Variants in SHPRH observed in about 807,000 individuals in gnomAD.
SHPRH encodes E3 ubiquitin-protein ligase SHPRH.
SHPRH carries 106 observed loss-of-function variants against 202.5 expected under a neutral mutation model. That is an observed-to-expected ratio of 0.52 (90% CI 0.45 to 0.62). SHPRH has a LOEUF of 0.62. Ranked by LOEUF, SHPRH falls within the 20% of genes least tolerant of loss-of-function variation. The pLI is 0.00. For missense variants in SHPRH, 1,710 were observed against 2,020.0 expected (o/e 0.85, Z 2.94); for synonymous variants, 729 against 686.0 (o/e 1.06, Z -0.98).
At chr6:145,908,196 G>T (rs1783151237) in intron 25 of SHPRH, 1 of 152,050 alleles carries the variant, frequency 6.6e-6, no homozygotes, top group African/African-American at 2.4e-5. Flanking sequence ...CCATATATTT[G>T]TTATTGTAAA....
intron 28 of SHPRH, 83 bp from the exon 29 acceptor site, chr6:145,888,183 T>C (rs1781258722): frequency 6.1e-6 from 6 of 990,176 alleles, no homozygotes; most frequent in Non-Finnish European, 9.2e-6. Flanking sequence ...ATATGCTATA[T>C]TCATCAGTCA....
intron 26 of SHPRH, 44 bp from the exon 27 acceptor site, chr6:145,894,280 C>T (rs376640539): frequency 7.1e-7 from 1 of 1,415,934 alleles, no homozygotes; most frequent in East Asian, 2.4e-5. Flanking sequence ...TTACACGTAG[C>T]CTTTATCTAA....
intron 4 of SHPRH, among the ~76,000 whole-genome samples, chr6:145,948,569 GT>G (rs1787642195): frequency 6.6e-6 from 1 of 151,934 alleles, no homozygotes; most frequent in African/African-American, 2.4e-5. Flanking sequence ...AGCTCCCTTT[GT>G]TTTGGGCACA....
In SHPRH at chr6:145,894,977, C is replaced by T; in HGVS notation, c.4516G>A (p.Gly1506Ser). Residue 1506 changes from glycine to serine, a missense_variant and splice_region_variant, in exon 26 of 30, where the codon GGC (glycine) becomes AGC (serine). Transcript: ENST00000275233. Reference sequence around the variant, plus strand: ...GCTTCCACTTTTGTAGAATGGCTGCCCTTTGAACACACACACAAAATACAC... The same window carrying T: ...GCTTCCACTTTTGTAGAATGGCTGCTCTTTGAACACACACACAAAATACAC... ...ANQEEDIPVK[G>S]SHSTKVEAVV... 6.2e-7 allele frequency: 1 copy of T among 1,612,266 alleles called. No individual in the cohort carries two copies. Among genetic ancestry groups the T allele is most frequent in the South Asian group, 1.1e-5 (1 of 90,970 alleles).
chr6:145,906,717 G>GA (rs1320870783), intron 25 of SHPRH: 2 of 152,024 alleles, frequency 1.3e-5, no homozygotes, highest in East Asian at 3.9e-4. Flanking sequence ...TTAAGTTTAT[G>GA]AAACAGTTGG....
chr6:145,911,735 A>G (rs997934807), intron 24 of SHPRH, among the ~76,000 whole-genome samples: 8 of 152,044 alleles, frequency 5.3e-5, no homozygotes, highest in African/African-American at 1.9e-4. Flanking sequence ...CCCACTTGAG[A>G]TTCTTTGCTG....
At position 145,899,061 on chromosome 6, in the gene SHPRH, G is replaced by A. The variant is rs536627730; in HGVS notation, c.4516-4084C>T. On this transcript the variant is annotated intron_variant, in intron 25 of 29. Transcript: ENST00000275233. ...ACTCCTGGCCTCGAGTGATCCTCCT[G>A]CCTTGGCCTCCCAAGGCACTGAGAT... Among the ~76,000 whole-genome samples the A allele has an allele frequency of 1.9e-3, 283 of 152,152 alleles. 1 individual carries two copies. Among genetic ancestry groups the A allele is most frequent in the African/African-American group, 6.5e-3 (268 of 41,488 alleles).
At position 145,886,176 on chromosome 6, in the gene SHPRH, T is replaced by C. The variant is rs140428826; in HGVS notation, c.*515A>G. 40 of 288,670 alleles carry C rather than the reference T, an allele frequency of 1.4e-4. No individual in the cohort carries two copies. The highest frequency in any genetic ancestry group is 7.7e-4 in the African/African-American group (36 of 46,938). 17.9% of individuals were successfully genotyped at this position (288,670 alleles called of 1,614,324 possible). A position where few individuals can be genotyped will look rare whatever the true frequency, so the allele number is the denominator to read the frequency against. ...GTTGTATTACTGCAAAATTACTAGG[T>C]GTAAAGTTATGGTATAAGCCTACTC... On this transcript the variant is annotated 3_prime_UTR_variant, in exon 30 of 30. Coordinates refer to ENST00000275233, the MANE Select transcript of SHPRH (RefSeq NM_001042683.3).
chr6:145,948,694 A>C (rs1484400135), intron 4 of SHPRH, among the ~76,000 whole-genome samples: 1 of 152,128 alleles, frequency 6.6e-6, no homozygotes, highest in Non-Finnish European at 1.5e-5. Flanking sequence ...GTCTATTTTT[A>C]ATAAATCTTG....
At chr6:145,916,952 TG>T (rs2128744653) in intron 23 of SHPRH, among the ~76,000 whole-genome samples, 1 of 152,268 alleles carries the variant, frequency 6.6e-6, no homozygotes, top group South Asian at 2.1e-4. Context: ...GCTAATTTTT[TG>T]TATCTTTAGT....
At chr6:145,872,432 GA>G (rs929398895) in intron 2 of SHPRH, among the ~76,000 whole-genome samples, 11 of 152,132 alleles carry the variant, frequency 7.2e-5, no homozygotes, top group Admixed American at 7.2e-4. Flanking sequence ...TAACAAACAT[GA>G]AAAAAGCCTT....
chr6:145,926,174 T>C, intron 16 of SHPRH, 30 bp downstream of exon 16: 1 of 1,589,914 alleles, frequency 6.3e-7, no homozygotes, highest in Non-Finnish European at 8.6e-7. Context: ...GAAAATATAC[T>C]TTTATAGACA....
downstream of SHPRH, among the ~76,000 whole-genome samples, chr6:145,881,976 G>A (rs973766803): frequency 1.3e-5 from 2 of 151,888 alleles, no homozygotes; most frequent in African/African-American, 2.4e-5. Flanking sequence ...CATGTCTGTA[G>A]TACCAGCTAC....
chr6:145,922,588 C>G, intron 19 of SHPRH, 75 bp downstream of exon 19: 1 of 1,490,832 alleles, frequency 6.7e-7, no homozygotes, highest in Non-Finnish European at 8.9e-7. Context: ...CTATATGAGT[C>G]AATTGTTTCT....
chr6:145,917,852 T>A (rs888083740), intron 23 of SHPRH: 7 of 260,306 alleles, frequency 2.7e-5, no homozygotes, highest in Non-Finnish European at 5.0e-5. Context: ...CCGAGATATG[T>A]TTTAATACTT....
At chr6:145,955,753 T>G (rs146551838) in intron 1 of SHPRH, among the ~76,000 whole-genome samples, 2,452 of 151,826 alleles carry the variant, frequency 0.016, 41 homozygotes, top group Non-Finnish European at 0.026. Context: ...ATGTCTGGCA[T>G]CAAATCTAAA....
chr6:145,910,985 C>T (rs1783440686), intron 24 of SHPRH, among the ~76,000 whole-genome samples: 3 of 151,982 alleles, frequency 2.0e-5, no homozygotes, highest in Admixed American at 6.6e-5. Flanking sequence ...ATATCATACT[C>T]GATATGTTCC....
intron 25 of SHPRH, chr6:145,903,837 G>A (rs1309643597): frequency 6.6e-6 from 1 of 152,078 alleles, no homozygotes; most frequent in Non-Finnish European, 1.5e-5. Context: ...CATATGTTCT[G>A]CCAGGAGGCC....
chr6:145,955,454 A>G, intron 1 of SHPRH, 100 bp from the exon 2 acceptor site: 1 of 1,154,366 alleles, frequency 8.7e-7, no homozygotes, highest in African/African-American at 1.5e-5. Flanking sequence ...GCCCATAAAC[A>G]TAATATGAAA....
Sources: allele counts gnomAD v4.1 joint callset (sites outside exome capture counted in the v4.1 genomes callset), GRCh38; gene constraint gnomAD v4.1.1; transcripts MANE v1.5; gene names NCBI Gene and HGNC (gene_info 2026-07-23, HGNC 2026-07-21).